SEMA3A: variants seen among roughly 807,000 people sequenced by gnomAD.
The protein encoded by SEMA3A is semaphorin-3A.
SEMA3A carries 29 observed loss-of-function variants against 97.9 expected under a neutral mutation model. The observed-to-expected ratio is 0.30, with a 90% CI of 0.22 to 0.40. The LOEUF (loss-of-function observed/expected upper bound fraction) is 0.40. SEMA3A is among the 10% of genes least tolerant of loss of function. SEMA3A has a pLI of 1.00. For synonymous variants in SEMA3A, 321 were observed against 323.7 expected, an observed-to-expected ratio of 0.99 and a Z score of 0.09; for missense variants, 763 against 951.3, an observed-to-expected ratio of 0.80 and a Z score of 2.60.
At chr7:84,145,200 T>G (rs1285364795) in intron 1 of SEMA3A, among the ~76,000 whole-genome samples, 1 of 152,112 alleles carries the variant, frequency 6.6e-6, no homozygotes, top group Admixed American at 6.6e-5. Flanking sequence ...TTCTTGACCT[T>G]CTAAGGGACA....
chr7:84,217,426 T>G (rs2116330059), intron 3 of SEMA3A, among the ~76,000 whole-genome samples: 1 of 152,352 alleles, frequency 6.6e-6, no homozygotes, highest in South Asian at 2.1e-4. Context: ...CAGCCCTGTC[T>G]ATTTTTATGC....
upstream of SEMA3A, among the ~76,000 whole-genome samples, chr7:84,196,744 G>C (rs867559066): frequency 6.6e-6 from 1 of 152,018 alleles, no homozygotes; most frequent in African/African-American, 2.4e-5. Flanking sequence ...AATTCATGTC[G>C]CTTTGGGATT....
At chr7:84,418,124 T>C (rs962637400) in intron 1 of SEMA3A, among the ~76,000 whole-genome samples, 22 of 152,052 alleles carry the variant, frequency 1.4e-4, no homozygotes, top group Admixed American at 1.1e-3. Flanking sequence ...GACATTTAAG[T>C]CAGTGGACTG....
At chr7:84,275,239 G>T (rs1800264596) in intron 3 of SEMA3A, among the ~76,000 whole-genome samples, 1 of 151,930 alleles carries the variant, frequency 6.6e-6, no homozygotes, top group Admixed American at 6.6e-5. Flanking sequence ...ACCAGACATA[G>T]ATAAGAGATG....
chr7:83,993,594 T>C (rs1388651992), intron 12 of SEMA3A, among the ~76,000 whole-genome samples: 1 of 147,316 alleles, frequency 6.8e-6, no homozygotes, highest in African/African-American at 2.6e-5. Flanking sequence ...TGGCTGGATA[T>C]GAAATTCTGG....
At chr7:84,193,027 A>G (rs545948417) in intron 1 of SEMA3A, among the ~76,000 whole-genome samples, 4 of 152,098 alleles carry the variant, frequency 2.6e-5, no homozygotes, top group African/African-American at 9.6e-5. Flanking sequence ...AAAGACAGTT[A>G]CTAAATTAAT....
In SEMA3A at chr7:83,957,156, A is replaced by G. The variant is rs1487644630; in HGVS notation, c.*4215T>C. 1 of 152,102 alleles carries G rather than the reference A, an allele frequency of 6.6e-6. No homozygotes were observed. The highest frequency in any genetic ancestry group is 1.9e-4 in the East Asian group (1 of 5,174). The allele number at this position is 152,102 out of a possible 1,614,324, so 9.4% of individuals were successfully genotyped here. On this transcript the variant is annotated 3_prime_UTR_variant, in exon 17 of 17. Transcript: ENST00000265362. ...ACACATTGGGGTAGTGTGACAATAA[A>G]AGGTATATACAAGGCACAGGTTTAG...
chr7:84,364,204 A>T (rs633234), intron 2 of SEMA3A, among the ~76,000 whole-genome samples: 43,431 of 151,416 alleles, frequency 0.29, 6,711 homozygotes, highest in African/African-American at 0.38. Context: ...CCTTTTAGGA[A>T]CCTCAGTGAT....
chr7:84,165,041 C>T (rs1343422776), intron 1 of SEMA3A, among the ~76,000 whole-genome samples: 1 of 152,032 alleles, frequency 6.6e-6, no homozygotes, highest in Non-Finnish European at 1.5e-5. Flanking sequence ...AACCCCGTCA[C>T]TACAAAAAAT....
At chr7:84,388,176 C>A (rs144110201) in intron 1 of SEMA3A, among the ~76,000 whole-genome samples, 54 of 152,112 alleles carry the variant, frequency 3.6e-4, no homozygotes, top group African/African-American at 1.2e-3. Context: ...GGAAAAGTTT[C>A]TTAGTTGACA....
At chr7:84,427,294 T>C (rs548054600) in intron 1 of SEMA3A, among the ~76,000 whole-genome samples, 2 of 152,178 alleles carry the variant, frequency 1.3e-5, no homozygotes, top group Admixed American at 6.5e-5. Context: ...ATTTAAAAAA[T>C]GACCATGACT....
intron 1 of SEMA3A, among the ~76,000 whole-genome samples, chr7:84,137,258 G>A (rs1796160669): frequency 6.6e-6 from 1 of 151,900 alleles, no homozygotes; most frequent in African/African-American, 2.4e-5. Flanking sequence ...AAAATAAGCT[G>A]GGCTTGATGG....
At position 84,150,718 on chromosome 7, in the gene SEMA3A, G is replaced by A. The variant is rs376566273; in HGVS notation, c.113-15767C>T. On this transcript the variant is annotated intron_variant, in intron 1 of 16. Coordinates refer to ENST00000265362, the MANE Select transcript of SEMA3A (RefSeq NM_006080.3). ...AGGTAAACAAAGCAGCTGGGAAGCT[G>A]GAACTGGGTGGAGCCCACCACAGCT... 1.1e-3 allele frequency among the ~76,000 whole-genome samples: 173 copies of A among 152,160 alleles called. 1 individual carries two copies. In the East Asian group the frequency reaches 0.013, roughly 11 times the overall value.
At chr7:84,414,701 T>C (rs193072129) in intron 1 of SEMA3A, among the ~76,000 whole-genome samples, 2 of 151,976 alleles carry the variant, frequency 1.3e-5, no homozygotes, top group East Asian at 3.9e-4. Context: ...TTGGCTCTAT[T>C]ATTAAAAGAA....
chr7:84,246,866 G>A (rs1206563087), intron 3 of SEMA3A, among the ~76,000 whole-genome samples: 1 of 151,972 alleles, frequency 6.6e-6, no homozygotes, highest in Non-Finnish European at 1.5e-5. Flanking sequence ...TTTTCACAGA[G>A]CTATTTATAG....
chr7:84,228,496 C>CA (rs1799043886), intron 3 of SEMA3A, among the ~76,000 whole-genome samples: 1 of 151,924 alleles, frequency 6.6e-6, no homozygotes, highest in Non-Finnish European at 1.5e-5. Flanking sequence ...TCTGTGTCCA[C>CA]AAAATGATTA....
At position 83,962,236 on chromosome 7, in the gene SEMA3A, T is replaced by A. The variant is rs117083200; in HGVS notation, c.1861-410A>T. Among the ~76,000 whole-genome samples the A allele has an allele frequency of 5.2e-3, 791 of 152,130 alleles. 5 individuals carry two copies. Among genetic ancestry groups the A allele is most frequent in the Middle Eastern group, 0.01 (3 of 294 alleles). ...CATTAGAATGAATTTATAATAAGAT[T>A]TCCAAAAATTAAATTTTAAAAAAAT... On this transcript the variant is annotated intron_variant, in intron 16 of 16. Coordinates refer to ENST00000265362, the MANE Select transcript of SEMA3A (RefSeq NM_006080.3).
At chr7:84,198,698 G>A (rs963812452), upstream of SEMA3A, among the ~76,000 whole-genome samples, 12 of 152,092 alleles carry the variant, frequency 7.9e-5, no homozygotes, top group African/African-American at 1.7e-4. Context: ...AACTCCTGCC[G>A]TGGAGTTACA....
At position 84,164,124 on chromosome 7, in the gene SEMA3A, C is replaced by T. The variant is rs1019620228; in HGVS notation, c.113-29173G>A. ...CCTCTGAAAGTTCTGGGATTACAGA[C>T]GTGGGCCACCACACCCAGCCACACA... On this transcript the variant is annotated intron_variant, in intron 1 of 16. Coordinates refer to ENST00000265362, the MANE Select transcript of SEMA3A (RefSeq NM_006080.3). Among the ~76,000 whole-genome samples the T allele has an allele frequency of 6.4e-4, 98 of 152,008 alleles. 1 individual carries two copies. Among genetic ancestry groups the T allele is most frequent in the African/African-American group, 2.2e-3 (92 of 41,404 alleles).
Sources: allele counts gnomAD v4.1 joint callset (sites outside exome capture counted in the v4.1 genomes callset), GRCh38; gene constraint gnomAD v4.1.1; transcripts MANE v1.5; gene names NCBI Gene and HGNC (gene_info 2026-07-23, HGNC 2026-07-21).